The following SLC19A2 variants were observed in gnomAD, a reference collection of about 807,000 sequenced individuals.
SLC19A2 encodes thiamine transporter 1.
In SLC19A2, 27 loss-of-function variants were observed where a neutral mutation model predicts 44.7. The observed-to-expected ratio is 0.60, with a 90% CI of 0.45 to 0.83. SLC19A2 has a LOEUF of 0.83. Among genes scored for constraint, SLC19A2 ranks in the 40% least tolerant of loss-of-function variants. The pLI is 0.00. For synonymous variants in SLC19A2, 239 were observed against 243.6 expected (o/e 0.98, Z 0.18); for missense variants, 566 against 613.7 (o/e 0.92, Z 0.82).
chr1:169,475,561 TA>T (rs1329783529), intron 2 of SLC19A2, among the ~76,000 whole-genome samples: 1 of 152,158 alleles, frequency 6.6e-6, no homozygotes, highest in Non-Finnish European at 1.5e-5. Context: ...TCAAAACAGA[TA>T]AAGAAGTGTC....
In SLC19A2 at chr1:169,464,768, A is replaced by C. The variant is rs1657948456; in HGVS notation, c.*1081T>G. The C allele has an allele frequency of 6.6e-6, 1 of 152,624 alleles. No individual in the cohort carries two copies. Among genetic ancestry groups the C allele is most frequent in the South Asian group, 2.1e-4 (1 of 4,832 alleles). 9.5% of individuals were successfully genotyped at this position (152,624 alleles called of 1,614,324 possible). A position where few individuals can be genotyped will look rare whatever the true frequency, so the allele number is the denominator to read the frequency against. On this transcript the variant is annotated 3_prime_UTR_variant, in exon 6 of 6. Transcript: ENST00000236137. ...TAGAAACAAAGGCAGATTTAAGGTA[A>C]AAAAATGCAGGAATCACATCTATCC...
At chr1:169,474,169 C>A (rs1043417546) in intron 2 of SLC19A2, 3 of 152,048 alleles carry the variant, frequency 2.0e-5, no homozygotes, top group Non-Finnish European at 4.4e-5. Context: ...ACTCACTACA[C>A]CCTGCTGCTA....
At chr1:169,471,967 T>A (rs1284669983) in intron 2 of SLC19A2, among the ~76,000 whole-genome samples, 1 of 152,080 alleles carries the variant, frequency 6.6e-6, no homozygotes, top group Non-Finnish European at 1.5e-5. Context: ...CTACAGCCCC[T>A]TTCCAAAATT....
At chr1:169,475,199 T>G (rs1658278372) in intron 2 of SLC19A2, among the ~76,000 whole-genome samples, 1 of 152,156 alleles carries the variant, frequency 6.6e-6, no homozygotes, top group African/African-American at 2.4e-5. Flanking sequence ...TATAAACAAG[T>G]ATTTCAAGTT....
intron 2 of SLC19A2, among the ~76,000 whole-genome samples, chr1:169,470,886 G>A (rs1238611104): frequency 6.6e-6 from 1 of 152,086 alleles, no homozygotes; most frequent in Non-Finnish European, 1.5e-5. Flanking sequence ...CTGTATGAAA[G>A]GACTAATCTA....
intron 2 of SLC19A2, among the ~76,000 whole-genome samples, chr1:169,471,069 A>G (rs1320320702): frequency 6.6e-6 from 1 of 151,784 alleles, no homozygotes; most frequent in Non-Finnish European, 1.5e-5. Flanking sequence ...CCAAAAAAAA[A>G]AAAAACCCAC....
intron 1 of SLC19A2, among the ~76,000 whole-genome samples, chr1:169,480,319 CT>C (rs950612502): frequency 4.7e-5 from 7 of 148,772 alleles, no homozygotes; most frequent in African/African-American, 7.4e-5. Context: ...TGTCAGCTTT[CT>C]TTTTTTTTTG....
Position 169,470,068 on chromosome 1 carries a change from T to G in SLC19A2, c.926A>C (p.Tyr309Ser), listed in dbSNP as rs1298514629. 3 of 1,613,784 alleles carry G rather than the reference T, an allele frequency of 1.9e-6. No individual in the cohort carries two copies. The highest frequency in any genetic ancestry group is 2.5e-6 in the Non-Finnish European group (3 of 1,179,904). The part of the protein sequence containing the change: ...SVWWALSTCG[Y>S]FQVVNYTQGL... The stretch of plus-strand genomic sequence containing the variant: ...CTGTGTGTAGTTCACAACTTGAAAA[T>G]AGCCACAGGTAGAGAGGGCCCACCA... Residue 309 changes from tyrosine to serine, a missense_variant, in exon 3 of 6, where the codon TAT (tyrosine) becomes TCT (serine). Physicochemically the swap from Tyr to Ser is moderately radical, Grantham distance 144. Coordinates refer to ENST00000236137, the MANE Select transcript of SLC19A2 (RefSeq NM_006996.3).
chr1:169,475,576 AT>A (rs1488007586), intron 2 of SLC19A2, among the ~76,000 whole-genome samples: 1 of 151,890 alleles, frequency 6.6e-6, no homozygotes, highest in Non-Finnish European at 1.5e-5. Context: ...AAGTGTCTTT[AT>A]TTTTTTTCCA....
Position 169,477,352 on chromosome 1 carries a change from C to T in SLC19A2, c.610G>A (p.Val204Met), listed in dbSNP as rs1162664490. 6.2e-7 allele frequency: 1 copy of T among 1,614,110 alleles called. No homozygotes were observed. The highest frequency in any genetic ancestry group is 1.1e-5 in the South Asian group (1 of 91,076). Residue 204 changes from valine (V) to methionine (M), a missense_variant, in exon 2 of 6, where the codon GTG becomes ATG. Val to Met is a conservative substitution (Grantham distance 21). Transcript: ENST00000236137. ...SLTCVSVAFA[V>M]AWFLPMPQKS... ...TGTGGCATAGGTAAAAACCAGGCCA[C>T]AGCAAAAGCCACTGAAACACAGGTA...
At chr1:169,478,523 A>ATTTTT (rs35141285) in intron 1 of SLC19A2, among the ~76,000 whole-genome samples, 1 of 66,636 alleles carries the variant, frequency 1.5e-5, no homozygotes, top group African/African-American at 6.5e-5. Flanking sequence ...CAACCAGCTA[A>ATTTTT]TTTTTTTTTT....
intron 1 of SLC19A2, 27 bp from the exon 2 acceptor site, chr1:169,477,784 A>C: frequency 6.3e-7 from 1 of 1,576,282 alleles, no homozygotes; most frequent in South Asian, 1.2e-5. Flanking sequence ...AAAAAAAAAC[A>C]AAAAACATTA....
chr1:169,471,698 G>GTGTATA (rs1553212202), intron 2 of SLC19A2, among the ~76,000 whole-genome samples: 9 of 146,882 alleles, frequency 6.1e-5, no homozygotes, highest in African/African-American at 2.3e-4. Context: ...GTGTGTGTGT[G>GTGTATA]TATATATACA....
chr1:169,469,821 T>C (rs1571532473), intron 3 of SLC19A2, 143 bp downstream of exon 3: 2 of 808,248 alleles, frequency 2.5e-6, no homozygotes, highest in Admixed American at 4.0e-5. Flanking sequence ...GTTGTCCTCC[T>C]AAATTGTAAA....
chr1:169,466,146 A>G (rs1657981178), intron 5 of SLC19A2, among the ~76,000 whole-genome samples, 169 bp from the exon 6 acceptor site: 1 of 152,208 alleles, frequency 6.6e-6, no homozygotes, highest in Non-Finnish European at 1.5e-5. Flanking sequence ...TACTAAATAA[A>G]GCCTGACTGC....
intron 4 of SLC19A2, 53 bp from the exon 5 acceptor site, chr1:169,468,305 T>C (rs931055199): frequency 5.6e-6 from 8 of 1,422,252 alleles, no homozygotes; most frequent in Middle Eastern, 2.3e-4. Context: ...GGAGTACTTA[T>C]AATATTTATT....
At chr1:169,482,243 A>T (rs1306151129) in intron 1 of SLC19A2, among the ~76,000 whole-genome samples, 1 of 151,150 alleles carries the variant, frequency 6.6e-6, no homozygotes, top group East Asian at 2.0e-4. Flanking sequence ...ATTTAAAAAA[A>T]AAAGAATAAA....
chr1:169,485,796 G>GGCCCC lies in SLC19A2; in HGVS notation c.-35_-31dup. ...GGCGCGAGGGGAGGGGACCCGGCCC[G>GGCCCC]GCCCCTTCCTTCTCCTCCTCCGCCA... On this transcript the variant is annotated 5_prime_UTR_variant, in exon 1 of 6. Coordinates refer to ENST00000236137, the MANE Select transcript of SLC19A2 (RefSeq NM_006996.3). The GGCCCC allele has an allele frequency of 1.3e-6, 2 of 1,510,238 alleles. No homozygotes were observed. Among genetic ancestry groups the GGCCCC allele is most frequent in the Non-Finnish European group, 1.8e-6 (2 of 1,136,410 alleles). 93.6% of individuals were successfully genotyped at this position (1,510,238 alleles called of 1,614,324 possible). A position where few individuals can be genotyped will look rare whatever the true frequency, so the allele number is the denominator to read the frequency against.
intron 3 of SLC19A2, among the ~76,000 whole-genome samples, chr1:169,469,568 A>G (rs112483775): frequency 5.6e-4 from 86 of 152,318 alleles, no homozygotes; most frequent in African/African-American, 1.9e-3. Context: ...GTTAATGTAT[A>G]TAATGTCCAT....
Sources: allele counts gnomAD v4.1 joint callset (sites outside exome capture counted in the v4.1 genomes callset), GRCh38; gene constraint gnomAD v4.1.1; transcripts MANE v1.5; gene names NCBI Gene and HGNC (gene_info 2026-07-23, HGNC 2026-07-21).